RET: variants seen among roughly 807,000 people sequenced by gnomAD.
The protein encoded by RET is proto-oncogene tyrosine-protein kinase receptor Ret.
A neutral mutation model predicts 118.3 loss-of-function variants in RET; 19 were observed. That is an observed-to-expected ratio of 0.16 (90% CI 0.11 to 0.24). The LOEUF (loss-of-function observed/expected upper bound fraction) is 0.24. Among genes scored for constraint, RET ranks in the 10% least tolerant of loss-of-function variants. The pLI is 1.00. For missense variants in RET, 1,219 were observed against 1,502.1 expected, an observed-to-expected ratio of 0.81 and a Z score of 3.12; for synonymous variants, 597 against 644.1, an observed-to-expected ratio of 0.93 and a Z score of 1.11.
intron 1 of RET, among the ~76,000 whole-genome samples, chr10:43,091,842 A>AAG (rs1440007288): frequency 2.2e-5 from 3 of 137,064 alleles, no homozygotes; most frequent in Admixed American, 7.2e-5. Context: ...AAAAAAAAAA[A>AAG]AGAACCAGTG....
chr10:43,114,962 G>A lies in RET; in HGVS notation c.2136+226G>A, dbSNP rs976786925. 6.6e-6 allele frequency among the ~76,000 whole-genome samples: 1 copy of A among 152,188 alleles called. No homozygotes were observed. The highest frequency in any genetic ancestry group is 2.4e-5 in the African/African-American group (1 of 41,440). Reference sequence around the variant, plus strand: ...ATCTAGGTGAGAGGCAGTGGTCAGGGTCACAGCATCGGGCAGGGGAGCAGC... The same window carrying A: ...ATCTAGGTGAGAGGCAGTGGTCAGGATCACAGCATCGGGCAGGGGAGCAGC... On this transcript the variant is annotated intron_variant, in intron 11 of 19. Coordinates refer to ENST00000355710, the MANE Select transcript of RET (RefSeq NM_020975.6). The surrounding 1 kb of genome is among the most constrained non-coding windows in gnomAD (Gnocchi z 4.6).
intron 11 of RET, among the ~76,000 whole-genome samples, chr10:43,115,347 C>T (rs1838047526): frequency 6.6e-6 from 1 of 152,212 alleles, no homozygotes; most frequent in African/African-American, 2.4e-5. Context: ...GTTCCCATCT[C>T]AGGCTGGGAG....
chr10:43,104,303 A>C (rs1486248404), intron 3 of RET, among the ~76,000 whole-genome samples: 1 of 151,596 alleles, frequency 6.6e-6, no homozygotes, highest in Non-Finnish European at 1.5e-5. Flanking sequence ...AAAACCTAAC[A>C]GTTTTTAAAA....
intron 2 of RET, among the ~76,000 whole-genome samples, chr10:43,101,618 G>A (rs1837644512): frequency 6.6e-6 from 1 of 152,336 alleles, no homozygotes; most frequent in East Asian, 1.9e-4. Context: ...TCCCTGGGTG[G>A]GGGCCAGTGT....
chr10:43,114,035 G>A lies in RET; in HGVS notation c.1879+360G>A, dbSNP rs1838006757. On this transcript the variant is annotated intron_variant, in intron 10 of 19. Transcript: ENST00000355710. The surrounding 1 kb of genome is among the most constrained non-coding windows in gnomAD (Gnocchi z 4.6). Reference sequence around the variant, plus strand: ...AGCCACACTGACTACACTCAGGGGTGCTGTTCTGCCTGAGCATAGGGACAC... The same window carrying A: ...AGCCACACTGACTACACTCAGGGGTACTGTTCTGCCTGAGCATAGGGACAC... Among the ~76,000 whole-genome samples, 1 of 152,246 alleles carries A rather than the reference G, an allele frequency of 6.6e-6. No individual in the cohort carries two copies. Among genetic ancestry groups the A allele is most frequent in the Admixed American group, 6.5e-5 (1 of 15,288 alleles).
chr10:43,102,731 G>T, intron 3 of RET, 102 bp downstream of exon 3: 2 of 1,416,858 alleles, frequency 1.4e-6, no homozygotes, highest in South Asian at 2.4e-5. Flanking sequence ...TCACCTTCAT[G>T]CCATCAGTTC....
rs748905470 is a variant in RET, at chr10:43,112,963, C to T, written c.1759C>T (p.Arg587Trp). The change falls in exon 9 of 20, where the codon CGG (arginine) becomes TGG (tryptophan). Residue 587 changes from arginine (R) to tryptophan (W), a missense_variant and splice_region_variant. Around this residue, in one of 5 missense-constraint regions of RET, gnomAD observed 850 missense variants for 969.6 expected, o/e 0.88. Coordinates refer to ENST00000355710, the MANE Select transcript of RET (RefSeq NM_020975.6). ...DINICPQDCL[R>W]GSIVGGHEPG... ...CAACATTTGCCCTCAGGACTGCCTC[C>T]GTAAGCAGGGTTTAATCAGGGCATG... 1.1e-5 allele frequency: 18 copies of T among 1,612,656 alleles called. No homozygotes were observed. Among genetic ancestry groups the T allele is most frequent in the African/African-American group, 5.3e-5 (4 of 74,906 alleles).
chr10:43,095,887 C>A (rs1718289293), intron 1 of RET, among the ~76,000 whole-genome samples: 1 of 152,228 alleles, frequency 6.6e-6, no homozygotes, highest in Non-Finnish European at 1.5e-5. Context: ...GGTGCCTGGG[C>A]ACAGCCAGCC....
chr10:43,126,168 G>C (rs1838323862), intron 18 of RET, among the ~76,000 whole-genome samples: 1 of 152,226 alleles, frequency 6.6e-6, no homozygotes, highest in Admixed American at 6.5e-5. Context: ...TGTGGCTGCA[G>C]TGGGCTCCCC....
chr10:43,104,861 C>T (rs1341980668), intron 3 of RET, 91 bp from the exon 4 acceptor site: 9 of 1,503,442 alleles, frequency 6.0e-6, no homozygotes, highest in African/African-American at 1.4e-5. Flanking sequence ...GTGTGCGCCC[C>T]GCTCTGACCG....
chr10:43,087,412 C>T lies in RET; in HGVS notation c.73+10081C>T, dbSNP rs543491558. ...GATGATAACTGGTGTCACCAGGACA[C>T]CAGGGAAGGAGCTGCCCTTGGTGTT... On this transcript the variant is annotated intron_variant, in intron 1 of 19. Transcript: ENST00000355710. Among the ~76,000 whole-genome samples the T allele has an allele frequency of 2.6e-5, 4 of 152,346 alleles. No individual in the cohort carries two copies. In the South Asian group the frequency reaches 8.3e-4, roughly 32 times the overall value.
rs543240698 is a variant in RET at position 43,100,370 on chromosome 10, C to T, written c.74-89C>T. On this transcript the variant is annotated intron_variant, in intron 1 of 19. Transcript: ENST00000355710. ...AGAGATGAAAAACTCCTGCTAAGAT[C>T]GGAATTTTAAATTAATGATTTTTTT... The T allele has an allele frequency of 2.1e-3, 3,085 of 1,484,744 alleles. 10 individuals carry two copies. The highest frequency in any genetic ancestry group is 2.7e-3 in the Non-Finnish European group (2,851 of 1,074,674). The allele number at this position is 1,484,744 out of a possible 1,614,324, so 92.0% of individuals were successfully genotyped here. A position where few individuals can be genotyped will look rare whatever the true frequency, so the allele number is the denominator to read the frequency against.
chr10:43,110,370 G>A (rs896516314), intron 6 of RET, among the ~76,000 whole-genome samples: 25 of 152,224 alleles, frequency 1.6e-4, no homozygotes, highest in Non-Finnish European at 5.9e-5. Context: ...CTTTGTAGGG[G>A]AAAGTGAGGA....
intron 1 of RET, among the ~76,000 whole-genome samples, chr10:43,079,365 A>G (rs1401101879): frequency 6.6e-6 from 1 of 152,170 alleles, no homozygotes; most frequent in South Asian, 2.1e-4. Flanking sequence ...ATAGGGACAC[A>G]CACTCCTCAT....
rs1419686116 is a variant in RET, at chr10:43,114,194, C to G, written c.1880-286C>G. Reference sequence around the variant, plus strand: ...TCCCCTGCCAGCCCTCCAGTGCCAGCTGGTGTAATGAGCACAGCCTCTGCT... The same window carrying G: ...TCCCCTGCCAGCCCTCCAGTGCCAGGTGGTGTAATGAGCACAGCCTCTGCT... On this transcript the variant is annotated intron_variant, in intron 10 of 19. Coordinates refer to ENST00000355710, the MANE Select transcript of RET (RefSeq NM_020975.6). The surrounding 1 kb of genome is among the most constrained non-coding windows in gnomAD (Gnocchi z 4.6). 6.6e-6 allele frequency among the ~76,000 whole-genome samples: 1 copy of G among 152,198 alleles called. No homozygotes were observed. The highest frequency in any genetic ancestry group is 1.5e-5 in the Non-Finnish European group (1 of 68,038).
At chr10:43,098,081 A>G (rs1189111245) in intron 1 of RET, among the ~76,000 whole-genome samples, 1 of 152,182 alleles carries the variant, frequency 6.6e-6, no homozygotes, top group East Asian at 1.9e-4. Flanking sequence ...TTTATTGTGG[A>G]AAAATATACA....
At position 43,112,902 on chromosome 10, in the gene RET, C is replaced by T. The variant is rs760507059; in HGVS notation, c.1698C>T (p.Pro566=). The T allele has an allele frequency of 3.7e-5, 60 of 1,613,978 alleles. No individual in the cohort carries two copies. Among genetic ancestry groups the T allele is most frequent in the Middle Eastern group, 3.3e-4 (2 of 6,082 alleles). ...GCTCTCCCAGCACCAAGACCTGCCC[C>T]GACGGCCACTGCGATGTTGTGGAGA... ...STCSPSTKTC[P]DGHCDVVETQ... The change falls in exon 9 of 20, where the codon CCC becomes CCT. Residue 566 remains proline, a synonymous_variant. Coordinates refer to ENST00000355710, the MANE Select transcript of RET (RefSeq NM_020975.6).
intron 5 of RET, among the ~76,000 whole-genome samples, chr10:43,108,758 C>T (rs1588869073): frequency 6.6e-6 from 1 of 152,276 alleles, no homozygotes; most frequent in Non-Finnish European, 1.5e-5. Context: ...GCATATCATA[C>T]ACACAGACAC....
intron 11 of RET, 32 bp from the exon 12 acceptor site, chr10:43,116,552 C>T (rs1554819132): frequency 1.2e-6 from 2 of 1,613,484 alleles, no homozygotes; most frequent in Non-Finnish European, 1.7e-6. Flanking sequence ...CTTTTCCCCC[C>T]TCTTCTCCCC....
Sources: gnomAD v4.1 joint callset for allele counts (sites outside exome capture counted in the v4.1 genomes callset) on GRCh38, gnomAD v4.1.1 for gene constraint, gnomAD v4.1.1 regional missense constraint, Gnocchi (gnomAD v3.1) non-coding constraint, MANE v1.5 for transcripts, NCBI Gene and HGNC (gene_info 2026-07-23, HGNC 2026-07-21) for gene names.